PCDH15: variants seen among roughly 807,000 people sequenced by gnomAD.
The protein encoded by PCDH15 is protocadherin-15.
PCDH15 carries 129 observed loss-of-function variants against 178.5 expected under a neutral mutation model. The ratio of observed to expected loss-of-function variants is 0.72; its 90% confidence interval spans 0.63 to 0.84. PCDH15 has a LOEUF of 0.84. Among genes scored for constraint, PCDH15 ranks in the 40% least tolerant of loss-of-function variants. The pLI, the probability that PCDH15 is intolerant of heterozygous loss-of-function variation, is 0.00. For synonymous variants in PCDH15, 800 were observed against 732.0 expected (o/e 1.09, Z -1.50); for missense variants, 2,230 against 2,099.9 (o/e 1.06, Z -1.21).
chr10:53,813,461 A>C (rs1367910443), intron 35 of PCDH15, among the ~76,000 whole-genome samples: 1 of 152,222 alleles, frequency 6.6e-6, no homozygotes, highest in East Asian at 1.9e-4. Context: ...GATGAACAAT[A>C]CTATGTATTT....
rs572426053 is a variant in PCDH15, at chr10:54,095,918, C to A, written c.1918-5855G>T. Among the ~76,000 whole-genome samples the A allele has an allele frequency of 9.2e-5, 14 of 152,122 alleles. No homozygotes were observed. In the South Asian group the frequency reaches 1.5e-3, roughly 16 times the overall value. The stretch of plus-strand genomic sequence containing the variant: ...TGTCTAGGGCTCAAGGAACAATCAA[C>A]AAAATAAACTTAGAACTAATGTAAA... On this transcript the variant is annotated intron_variant, in intron 15 of 37. Coordinates refer to ENST00000644397, the MANE Select transcript of PCDH15 (RefSeq NM_001384140.1).
intron 1 of PCDH15, among the ~76,000 whole-genome samples, chr10:55,201,111 G>A (rs1395046176): frequency 6.6e-6 from 1 of 152,048 alleles, no homozygotes; most frequent in Admixed American, 6.6e-5. Context: ...GCCAAACAAT[G>A]AGTTCCTTAG....
At chr10:54,856,995 A>C (rs1361654861) in intron 3 of PCDH15, among the ~76,000 whole-genome samples, 1 of 152,074 alleles carries the variant, frequency 6.6e-6, no homozygotes, top group Admixed American at 6.6e-5. Flanking sequence ...TCTTATCCTT[A>C]AATCTGAAAA....
chr10:55,201,339 G>A (rs1242794410), intron 1 of PCDH15, among the ~76,000 whole-genome samples: 1 of 152,028 alleles, frequency 6.6e-6, no homozygotes, highest in Non-Finnish European at 1.5e-5. Flanking sequence ...GCAAGAACCA[G>A]CCTTACTCCT....
chr10:53,808,403 T>C (rs900284441), intron 37 of PCDH15: 43 of 1,097,140 alleles, frequency 3.9e-5, no homozygotes, highest in Admixed American at 4.6e-5. Context: ...TAATGCCACA[T>C]TGCATTAACA....
chr10:54,506,914 A>T (rs1404092924), intron 3 of PCDH15, among the ~76,000 whole-genome samples: 1 of 152,066 alleles, frequency 6.6e-6, no homozygotes, highest in African/African-American at 2.4e-5. Flanking sequence ...CAGGAGACAG[A>T]TTCTTTTTAT....
At chr10:55,434,844 T>C (rs914332442) in intron 2 of PCDH15, among the ~76,000 whole-genome samples, 3 of 152,082 alleles carry the variant, frequency 2.0e-5, no homozygotes, top group African/African-American at 7.2e-5. Context: ...GACCTTGTGA[T>C]CCACCGACCT....
chr10:55,454,938 T>C (rs1219134240), intron 2 of PCDH15, among the ~76,000 whole-genome samples: 1 of 152,064 alleles, frequency 6.6e-6, no homozygotes, highest in East Asian at 1.9e-4. Context: ...TAAATATACA[T>C]ATATACACAC....
chr10:55,135,215 T>C (rs1838155638), intron 2 of PCDH15, among the ~76,000 whole-genome samples: 1 of 152,174 alleles, frequency 6.6e-6, no homozygotes, highest in Non-Finnish European at 1.5e-5. Flanking sequence ...AGTATCATAA[T>C]AAGAATTATA....
intron 2 of PCDH15, among the ~76,000 whole-genome samples, chr10:55,129,296 G>A (rs1268035063): frequency 2.0e-5 from 3 of 152,050 alleles, no homozygotes; most frequent in East Asian, 3.9e-4. Flanking sequence ...AAACACGAGA[G>A]GTGTATGTTT....
chr10:54,705,294 G>A (rs562068322), intron 1 of PCDH15, among the ~76,000 whole-genome samples: 1 of 151,854 alleles, frequency 6.6e-6, no homozygotes, highest in South Asian at 2.1e-4. Flanking sequence ...ACCTGCATGT[G>A]TACCTATGAA....
At chr10:54,087,449 G>T (rs1222189944) in intron 16 of PCDH15, among the ~76,000 whole-genome samples, 1 of 152,086 alleles carries the variant, frequency 6.6e-6, no homozygotes, top group Admixed American at 6.5e-5. Flanking sequence ...ATATTTTCAA[G>T]GTTCATACAT....
intron 2 of PCDH15, among the ~76,000 whole-genome samples, chr10:55,515,836 G>A (rs1420335645): frequency 1.3e-5 from 2 of 152,048 alleles, no homozygotes; most frequent in Non-Finnish European, 2.9e-5. Context: ...AGCCTTTGTG[G>A]ATTATTACTC....
At chr10:55,376,758 T>C (rs1837403260) in intron 2 of PCDH15, among the ~76,000 whole-genome samples, 1 of 152,104 alleles carries the variant, frequency 6.6e-6, no homozygotes, top group Non-Finnish European at 1.5e-5. Context: ...ATTTTTCAAA[T>C]GAAATTTAAC....
At chr10:54,642,150 T>C (rs1428124722) in intron 2 of PCDH15, among the ~76,000 whole-genome samples, 1 of 152,052 alleles carries the variant, frequency 6.6e-6, no homozygotes, top group Non-Finnish European at 1.5e-5. Flanking sequence ...GATTAATGCC[T>C]TATAAGAGGC....
intron 2 of PCDH15, among the ~76,000 whole-genome samples, chr10:55,120,052 G>A (rs1837726596): frequency 6.6e-6 from 1 of 152,022 alleles, no homozygotes; most frequent in Non-Finnish European, 1.5e-5. Flanking sequence ...GAGAACCAGA[G>A]AGAACATTTA....
At chr10:54,219,321 T>C (rs2052498219) in intron 9 of PCDH15, among the ~76,000 whole-genome samples, 1 of 139,410 alleles carries the variant, frequency 7.2e-6, no homozygotes, top group Admixed American at 7.4e-5. Flanking sequence ...CTGGGCGTGG[T>C]GGCTCATGCC....
intron 2 of PCDH15, among the ~76,000 whole-genome samples, chr10:55,391,084 A>T (rs1837781760): frequency 6.6e-6 from 1 of 152,172 alleles, no homozygotes; most frequent in African/African-American, 2.4e-5. Flanking sequence ...AAAGTCCTAG[A>T]GGGTATCTTC....
intron 1 of PCDH15, among the ~76,000 whole-genome samples, chr10:55,168,884 A>C (rs1564857152): frequency 6.6e-6 from 1 of 152,126 alleles, no homozygotes; most frequent in Non-Finnish European, 1.5e-5. Flanking sequence ...CTGATACTCT[A>C]GATTTGGGGA....
Sources: allele counts gnomAD v4.1 joint callset (sites outside exome capture counted in the v4.1 genomes callset), GRCh38; gene constraint gnomAD v4.1.1; transcripts MANE v1.5; gene names NCBI Gene and HGNC (gene_info 2026-07-23, HGNC 2026-07-21).